Variants in AGBL1 observed in about 807,000 individuals in gnomAD.
AGBL1 encodes cytosolic carboxypeptidase 4.
AGBL1 carries 130 observed loss-of-function variants against 118.9 expected under a neutral mutation model. That is an observed-to-expected ratio of 1.09 (90% confidence interval 0.95 to 1.26). The LOEUF (loss-of-function observed/expected upper bound fraction) is 1.26, where lower values mean the gene tolerates loss of function less well. AGBL1 is among the 50% of genes most tolerant of loss of function. The pLI, the probability that AGBL1 is intolerant of heterozygous loss-of-function variation, is 0.00. For synonymous variants in AGBL1, 555 were observed against 478.9 expected, an observed-to-expected ratio of 1.16 and a Z score of -2.08; for missense variants, 1,584 against 1,298.1, an observed-to-expected ratio of 1.22 and a Z score of -3.38.
downstream of AGBL1, among the ~76,000 whole-genome samples, chr15:87,031,170 G>A (rs1452888943): frequency 6.6e-6 from 1 of 151,984 alleles, no homozygotes; most frequent in Non-Finnish European, 1.5e-5. Context: ...GTGTATGGAA[G>A]AAGGCAACTT....
chr15:86,933,275 T>C (rs1334845317), intron 23 of AGBL1, among the ~76,000 whole-genome samples: 3 of 152,200 alleles, frequency 2.0e-5, no homozygotes, highest in Non-Finnish European at 2.9e-5. Flanking sequence ...CTTTAGTTTT[T>C]AGTTTAACTT....
At chr15:86,606,068 A>G (rs2084572143) in intron 21 of AGBL1, among the ~76,000 whole-genome samples, 1 of 145,738 alleles carries the variant, frequency 6.9e-6, no homozygotes, top group South Asian at 2.2e-4. Flanking sequence ...CAGAGGTTGC[A>G]GTGAGCCAAG....
intron 22 of AGBL1, among the ~76,000 whole-genome samples, chr15:86,874,434 A>G (rs11852423): frequency 0.85 from 128,532 of 151,814 alleles, 54,704 homozygotes; most frequent in East Asian, 0.96. Flanking sequence ...CCTATGCATA[A>G]TAAATACTAA....
chr15:86,666,198 T>A (rs1046453188), intron 21 of AGBL1, among the ~76,000 whole-genome samples: 2 of 152,146 alleles, frequency 1.3e-5, no homozygotes. Flanking sequence ...TTTATTTAGA[T>A]GTTCCTTGCT....
intron 6 of AGBL1, among the ~76,000 whole-genome samples, chr15:86,226,510 A>C (rs1043767076): frequency 2.0e-5 from 3 of 152,204 alleles, no homozygotes; most frequent in Non-Finnish European, 2.9e-5. Context: ...TCTTGAGCTT[A>C]CGGTTGAGCA....
intron 18 of AGBL1, among the ~76,000 whole-genome samples, chr15:86,479,751 T>A (rs1405203603): frequency 3.9e-5 from 6 of 152,148 alleles, no homozygotes; most frequent in African/African-American, 1.4e-4. Flanking sequence ...ACCCAAAAGA[T>A]TATAAATCAT....
At chr15:86,713,271 T>C (rs1178884898) in intron 22 of AGBL1, among the ~76,000 whole-genome samples, 2 of 152,164 alleles carry the variant, frequency 1.3e-5, no homozygotes, top group African/African-American at 2.4e-5. Flanking sequence ...AGAAGAGTTT[T>C]ACTGGGGAAA....
At chr15:86,974,803 G>A (rs1240176581) in intron 23 of AGBL1, among the ~76,000 whole-genome samples, 1 of 151,568 alleles carries the variant, frequency 6.6e-6, no homozygotes, top group Non-Finnish European at 1.5e-5. Flanking sequence ...AAGTTAGTTG[G>A]GGATATGGTG....
At chr15:86,980,885 C>CTTTTTTTT (rs36077192) in intron 23 of AGBL1, among the ~76,000 whole-genome samples, 13,337 of 118,228 alleles carry the variant, frequency 0.11, 1,088 homozygotes, top group Non-Finnish European at 0.13. Context: ...CAGAAACATC[C>CTTTTTTTT]TTTTTTTTTT....
chr15:86,494,258 G>T (rs2082819479), intron 18 of AGBL1, among the ~76,000 whole-genome samples: 1 of 152,026 alleles, frequency 6.6e-6, no homozygotes, highest in Non-Finnish European at 1.5e-5. Context: ...GTAACAGAAG[G>T]TGACCTGTTT....
intron 5 of AGBL1, among the ~76,000 whole-genome samples, chr15:86,197,128 G>T (rs2077826252): frequency 6.6e-6 from 1 of 152,170 alleles, no homozygotes; most frequent in Non-Finnish European, 1.5e-5. Flanking sequence ...GAGAAGTGGG[G>T]TGCTGCTGTA....
At chr15:86,618,622 T>G (rs2084762719) in intron 21 of AGBL1, among the ~76,000 whole-genome samples, 1 of 152,206 alleles carries the variant, frequency 6.6e-6, no homozygotes, top group African/African-American at 2.4e-5. Flanking sequence ...GTCACATGTA[T>G]AGTGCTAATA....
chr15:86,577,223 G>T (rs1034951723), intron 21 of AGBL1, among the ~76,000 whole-genome samples: 5 of 152,064 alleles, frequency 3.3e-5, no homozygotes, highest in Non-Finnish European at 5.9e-5. Context: ...TGAGGACCTT[G>T]TTGTGAACTG....
At chr15:86,832,157 T>C (rs964611777) in intron 22 of AGBL1, among the ~76,000 whole-genome samples, 4 of 152,130 alleles carry the variant, frequency 2.6e-5, no homozygotes, top group African/African-American at 2.4e-5. Flanking sequence ...TGAAACCATA[T>C]TTTCCTCCTA....
At chr15:86,519,332 A>G (rs2083158545) in intron 18 of AGBL1, among the ~76,000 whole-genome samples, 1 of 152,148 alleles carries the variant, frequency 6.6e-6, no homozygotes, top group Non-Finnish European at 1.5e-5. Flanking sequence ...ATAGGCACTG[A>G]ATTTATTGCC....
intron 17 of AGBL1, among the ~76,000 whole-genome samples, chr15:86,362,253 C>T (rs192001568): frequency 2.1e-4 from 32 of 152,136 alleles, no homozygotes; most frequent in African/African-American, 4.6e-4. Flanking sequence ...TATTTTTATC[C>T]GTTAACAAAT....
downstream of AGBL1, among the ~76,000 whole-genome samples, chr15:86,916,445 A>G (rs1467743811): frequency 2.0e-5 from 3 of 152,030 alleles, no homozygotes; most frequent in African/African-American, 7.2e-5. Context: ...GTGTGTGTGA[A>G]TGTAAGTACA....
chr15:86,571,565 CTCTGCTAGGCAGG>C (rs1325155209), intron 21 of AGBL1, among the ~76,000 whole-genome samples: 3 of 152,134 alleles, frequency 2.0e-5, no homozygotes, highest in African/African-American at 4.8e-5. Context: ...GGTGGTTCCT[CTCTGCTAGGCAGG>C]TCATCCTGAT....
intron 18 of AGBL1, among the ~76,000 whole-genome samples, chr15:86,515,150 G>A (rs1425393286): frequency 1.1e-4 from 17 of 152,120 alleles, no homozygotes; most frequent in Non-Finnish European, 2.5e-4. Flanking sequence ...AAATACACAT[G>A]GTTTCAGATC....
Sources: gnomAD v4.1 joint callset for allele counts (sites outside exome capture counted in the v4.1 genomes callset) on GRCh38, gnomAD v4.1.1 for gene constraint, MANE v1.5 for transcripts, NCBI Gene and HGNC (gene_info 2026-07-23, HGNC 2026-07-21) for gene names.